TMEM275: variants seen among roughly 807,000 people sequenced by gnomAD.
TMEM275 encodes the protein transmembrane protein 275.
Position 46,533,698 on chromosome 1 carries a change from C to G in TMEM275, c.-123-48G>C, listed in dbSNP as rs1302773313. 2.7e-6 allele frequency: 1 copy of G among 367,562 alleles called. No individual in the cohort carries two copies. Among genetic ancestry groups the G allele is most frequent in the Non-Finnish European group, 4.8e-6 (1 of 206,336 alleles). The allele number at this position is 367,562 out of a possible 1,614,324, so 22.8% of individuals were successfully genotyped here. On this transcript the variant is annotated intron_variant, in intron 1 of 1. Transcript: ENST00000634804. This position sits in a 1 kb window ranked among gnomAD's most constrained non-coding sequence, Gnocchi z 4.4. ...CGGCGTCAGCAGGGTATCTTGACCT[C>G]CAGTCCTAGGCTCCGTCTGTAGCTA...
At position 46,533,848 on chromosome 1, in the gene TMEM275, G is replaced by A. The variant is rs748409643; in HGVS notation, c.-123-198C>T. 2.6e-5 allele frequency among the ~76,000 whole-genome samples: 4 copies of A among 152,096 alleles called. No homozygotes were observed. Among genetic ancestry groups the A allele is most frequent in the Non-Finnish European group, 5.9e-5 (4 of 68,014 alleles). The stretch of plus-strand genomic sequence containing the variant: ...CCCCACCTAGTTCCGGGGGTCCCTC[G>A]TGGCCAATCTTGCCATCCTCCCTCT... On this transcript the variant is annotated intron_variant, in intron 1 of 1. Transcript: ENST00000634804. This position sits in a 1 kb window ranked among gnomAD's most constrained non-coding sequence, Gnocchi z 4.4.
Position 46,533,121 on chromosome 1 carries a change from G to C in TMEM275, c.407C>G (p.Ala136Gly). The C allele has an allele frequency of 2.6e-6, 1 of 390,790 alleles. No individual in the cohort carries two copies. The highest frequency in any genetic ancestry group is 1.3e-4 in the South Asian group (1 of 7,792). The allele number at this position is 390,790 out of a possible 1,614,324, so 24.2% of individuals were successfully genotyped here. A position where few individuals can be genotyped will look rare whatever the true frequency, so the allele number is the denominator to read the frequency against. ...GCCGGGGCTGGAGCAGCCGGAGGAC[G>C]CGGCGGAGACGGCAGGGCTGAGCTG... is the stretch of plus-strand genomic sequence containing the variant. The change falls in exon 2 of 2, where the codon GCG becomes GGG. Residue 136 changes from alanine to glycine, a missense_variant. Physicochemically the swap from Ala to Gly is moderately conservative, Grantham distance 60. Coordinates refer to ENST00000634804, the Ensembl canonical transcript of TMEM275. This position sits in a 1 kb window ranked among gnomAD's most constrained non-coding sequence, Gnocchi z 4.4.
chr1:46,533,994 CA>C lies in TMEM275; in HGVS notation c.-123-345del, dbSNP rs1479928267. 2.0e-5 allele frequency among the ~76,000 whole-genome samples: 3 copies of C among 152,308 alleles called. No individual in the cohort carries two copies. In the East Asian group the frequency reaches 5.8e-4, roughly 29 times the overall value. On this transcript the variant is annotated intron_variant, in intron 1 of 1. Coordinates refer to ENST00000634804, the Ensembl canonical transcript of TMEM275. This position sits in a 1 kb window ranked among gnomAD's most constrained non-coding sequence, Gnocchi z 4.4. Reference sequence around the variant, plus strand: ...AAAGTGCTCAGCACAGTGTCCAGTTCAGCTTAGGTGCTCATCACATGATAAT... The same window carrying C: ...AAAGTGCTCAGCACAGTGTCCAGTTCGCTTAGGTGCTCATCACATGATAAT...
chr1:46,532,504 C>G (rs1238626945), exon 2 of TMEM275: 3 of 152,604 alleles, frequency 2.0e-5, no homozygotes, highest in Non-Finnish European at 4.4e-5. Flanking sequence ...GACTGGAAGC[C>G]TTTCACGGTG....
chr1:46,533,571 C>T lies in TMEM275; in HGVS notation c.-44G>A, dbSNP rs1028693647. On this transcript the variant is annotated 5_prime_UTR_variant, in exon 2 of 2. Coordinates refer to ENST00000634804, the Ensembl canonical transcript of TMEM275. This position sits in a 1 kb window ranked among gnomAD's most constrained non-coding sequence, Gnocchi z 4.4. ...CACGCATCAAGCTCCCTCCTGCCGC[C>T]GGCCCGGAACAGCCCAACTGCCAGG... The T allele has an allele frequency of 1.3e-5, 5 of 385,646 alleles. No individual in the cohort carries two copies. The highest frequency in any genetic ancestry group is 4.2e-5 in the African/African-American group (2 of 47,982). 23.9% of individuals were successfully genotyped at this position (385,646 alleles called of 1,614,324 possible).
chr1:46,535,304 T>C (rs1255503206), intron 1 of TMEM275, among the ~76,000 whole-genome samples: 2 of 152,260 alleles, frequency 1.3e-5, no homozygotes, highest in African/African-American at 4.8e-5. Context: ...TGCTGAGAGG[T>C]GGCAGCCCTA....
At position 46,533,822 on chromosome 1, in the gene TMEM275, TC is replaced by T. The variant is rs1382189553; in HGVS notation, c.-123-173del. Among the ~76,000 whole-genome samples the T allele has an allele frequency of 6.6e-6, 1 of 152,180 alleles. No homozygotes were observed. ...CCCATATGTGAAGAATCGACTTGTT[TC>T]CCCACCTAGTTCCGGGGGTCCCTCG... On this transcript the variant is annotated intron_variant, in intron 1 of 1. Transcript: ENST00000634804. This position sits in a 1 kb window ranked among gnomAD's most constrained non-coding sequence, Gnocchi z 4.4.
Position 46,533,607 on chromosome 1 carries a change from C to CT in TMEM275, c.-81_-80insA. On this transcript the variant is annotated 5_prime_UTR_variant, in exon 2 of 2. Coordinates refer to ENST00000634804, the Ensembl canonical transcript of TMEM275. The surrounding 1 kb of genome is among the most constrained non-coding windows in gnomAD (Gnocchi z 4.4). Reference sequence around the variant, plus strand: ...AGCCCAACTGCCAGGAGCCTCCTCACGCTGGTCCTGTGGGCAACTGCCAGG... The same window carrying CT: ...AGCCCAACTGCCAGGAGCCTCCTCACTGCTGGTCCTGTGGGCAACTGCCAGG... 2 of 372,706 alleles carry CT rather than the reference C, an allele frequency of 5.4e-6. No homozygotes were observed. Among genetic ancestry groups the CT allele is most frequent in the Admixed American group, 9.2e-5 (2 of 21,812 alleles). 23.1% of individuals were successfully genotyped at this position (372,706 alleles called of 1,614,324 possible). A position where few individuals can be genotyped will look rare whatever the true frequency, so the allele number is the denominator to read the frequency against.
Position 46,533,843 on chromosome 1 carries a change from C to T in TMEM275, c.-123-193G>A, listed in dbSNP as rs901584376. 6.6e-6 allele frequency among the ~76,000 whole-genome samples: 1 copy of T among 152,146 alleles called. No homozygotes were observed. Among genetic ancestry groups the T allele is most frequent in the South Asian group, 2.1e-4 (1 of 4,832 alleles). On this transcript the variant is annotated intron_variant, in intron 1 of 1. Coordinates refer to ENST00000634804, the Ensembl canonical transcript of TMEM275. The surrounding 1 kb of genome is among the most constrained non-coding windows in gnomAD (Gnocchi z 4.4). ...TGTTTCCCCACCTAGTTCCGGGGGT[C>T]CCTCGTGGCCAATCTTGCCATCCTC...
At position 46,533,125 on chromosome 1, in the gene TMEM275, C is replaced by A; in HGVS notation, c.403G>T (p.Ala135Ser). 1 of 390,154 alleles carries A rather than the reference C, an allele frequency of 2.6e-6. No individual in the cohort carries two copies. Among genetic ancestry groups the A allele is most frequent in the East Asian group, 3.7e-5 (1 of 27,320 alleles). The allele number at this position is 390,154 out of a possible 1,614,324, so 24.2% of individuals were successfully genotyped here. A position where few individuals can be genotyped will look rare whatever the true frequency, so the allele number is the denominator to read the frequency against. ...GGGCTGGAGCAGCCGGAGGACGCGGCGGAGACGGCAGGGCTGAGCTGCACG... is the reference window on the plus strand; with the variant it reads ...GGGCTGGAGCAGCCGGAGGACGCGGAGGAGACGGCAGGGCTGAGCTGCACG... The change falls in exon 2 of 2, where the codon GCC (alanine) becomes TCC (serine). Residue 135 changes from alanine (A) to serine (S), a missense_variant. Coordinates refer to ENST00000634804, the Ensembl canonical transcript of TMEM275. This position sits in a 1 kb window ranked among gnomAD's most constrained non-coding sequence, Gnocchi z 4.4.
intron 1 of TMEM275, among the ~76,000 whole-genome samples, chr1:46,534,805 C>T (rs1032578411): frequency 1.3e-5 from 2 of 152,088 alleles, no homozygotes; most frequent in Non-Finnish European, 2.9e-5. Context: ...TACCGCGGGT[C>T]TGAGGGGAGC....
intron 1 of TMEM275, among the ~76,000 whole-genome samples, chr1:46,534,005 C>T (rs1481681146): frequency 1.3e-5 from 2 of 152,130 alleles, no homozygotes; most frequent in Non-Finnish European, 1.5e-5. Flanking sequence ...AGCTTAGGTG[C>T]TCATCACATG....
In TMEM275 at chr1:46,533,835, C is replaced by A. The variant is rs1666704612; in HGVS notation, c.-123-185G>T. Among the ~76,000 whole-genome samples, 1 of 152,292 alleles carries A rather than the reference C, an allele frequency of 6.6e-6. No homozygotes were observed. Among genetic ancestry groups the A allele is most frequent in the South Asian group, 2.1e-4 (1 of 4,830 alleles). ...AATCGACTTGTTTCCCCACCTAGTT[C>A]CGGGGGTCCCTCGTGGCCAATCTTG... is the stretch of plus-strand genomic sequence containing the variant. On this transcript the variant is annotated intron_variant, in intron 1 of 1. Coordinates refer to ENST00000634804, the Ensembl canonical transcript of TMEM275. The surrounding 1 kb of genome is among the most constrained non-coding windows in gnomAD (Gnocchi z 4.4).
At position 46,535,398 on chromosome 1, in the gene TMEM275, A is replaced by G. The variant is rs943345225; in HGVS notation, c.-123-1748T>C. On this transcript the variant is annotated intron_variant, in intron 1 of 1. It removes an upstream start codon present in the reference 5' UTR. Transcript: ENST00000634804. ...CCCCAAATCTTAGCAAAGAAAGCACATGTTGACCCTTGAGGGCATCTACAG... is the reference window on the plus strand; with the variant it reads ...CCCCAAATCTTAGCAAAGAAAGCACGTGTTGACCCTTGAGGGCATCTACAG... Among the ~76,000 whole-genome samples, 2 of 140,730 alleles carry G rather than the reference A, an allele frequency of 1.4e-5. No homozygotes were observed. Among genetic ancestry groups the G allele is most frequent in the Non-Finnish European group, 3.1e-5 (2 of 65,352 alleles). 92.3% of individuals were successfully genotyped at this position (140,730 alleles called of 152,430 possible).
exon 2 of TMEM275, chr1:46,532,724 AC>A: frequency 3.3e-6 from 1 of 306,952 alleles, no homozygotes; most frequent in Non-Finnish European, 5.9e-6. Flanking sequence ...TTTACTAGAG[AC>A]CAGAGACCCT....
chr1:46,534,661 AT>A (rs1476244840), intron 1 of TMEM275, among the ~76,000 whole-genome samples, 78 bp from the exon 2 acceptor site: 2 of 152,238 alleles, frequency 1.3e-5, no homozygotes, highest in African/African-American at 4.8e-5. Context: ...ATTCTGTTCT[AT>A]AACGCATAAG....
rs535401639 is a variant in TMEM275 at position 46,533,500 on chromosome 1, G to A, written c.28C>T (p.Pro10Ser). 71 of 389,088 alleles carry A rather than the reference G, an allele frequency of 1.8e-4. No individual in the cohort carries two copies. Among genetic ancestry groups the A allele is most frequent in the African/African-American group, 1.4e-3 (67 of 48,252 alleles). 24.1% of individuals were successfully genotyped at this position (389,088 alleles called of 1,614,324 possible). The change falls in exon 2 of 2, where the codon CCA (proline) becomes TCA (serine). Residue 10 changes from proline to serine, a missense_variant. Coordinates refer to ENST00000634804, the Ensembl canonical transcript of TMEM275. The surrounding 1 kb of genome is among the most constrained non-coding windows in gnomAD (Gnocchi z 4.4). Reference sequence around the variant, plus strand: ...CGTTCCGCGGGCGCCGGGACCGGTGGCCCCTCGCTCTTTTCTGCCGGCGGC... The same window carrying A: ...CGTTCCGCGGGCGCCGGGACCGGTGACCCCTCGCTCTTTTCTGCCGGCGGC...
Position 46,533,417 on chromosome 1 carries a change from C to T in TMEM275, c.111G>A (p.Leu37=). The change falls in exon 2 of 2, where the codon CTG becomes CTA. Residue 37 remains leucine, a synonymous_variant. Coordinates refer to ENST00000634804, the Ensembl canonical transcript of TMEM275. The surrounding 1 kb of genome is among the most constrained non-coding windows in gnomAD (Gnocchi z 4.4). ...CGTTCACGCCCGCCAGCAGCGCGCACAGACCGCAGGCGCAGCACAGCGCCG... is the reference window on the plus strand; with the variant it reads ...CGTTCACGCCCGCCAGCAGCGCGCATAGACCGCAGGCGCAGCACAGCGCCG... 5.3e-6 allele frequency: 2 copies of T among 379,574 alleles called. No homozygotes were observed. The highest frequency in any genetic ancestry group is 6.9e-4 in the Middle Eastern group (1 of 1,458). 23.5% of individuals were successfully genotyped at this position (379,574 alleles called of 1,614,324 possible).
rs1666702226 is a variant in TMEM275 at position 46,533,627 on chromosome 1, G to A, written c.-100C>T. 8.2e-6 allele frequency: 3 copies of A among 365,812 alleles called. No homozygotes were observed. The highest frequency in any genetic ancestry group is 1.5e-5 in the Non-Finnish European group (3 of 205,662). The allele number at this position is 365,812 out of a possible 1,614,324, so 22.7% of individuals were successfully genotyped here. ...CCTCACGCTGGTCCTGTGGGCAACT[G>A]CCAGGAGCCTCCTCACGCTGGTCCT... On this transcript the variant is annotated 5_prime_UTR_variant, in exon 2 of 2. Coordinates refer to ENST00000634804, the Ensembl canonical transcript of TMEM275. This position sits in a 1 kb window ranked among gnomAD's most constrained non-coding sequence, Gnocchi z 4.4.
Sources: gnomAD v4.1 joint callset for allele counts (sites outside exome capture counted in the v4.1 genomes callset) on GRCh38, gnomAD v4.1.1 for gene constraint, Gnocchi (gnomAD v3.1) non-coding constraint, MANE v1.5 for transcripts, NCBI Gene and HGNC (gene_info 2026-07-23, HGNC 2026-07-21) for gene names.